The following CSGALNACT1 variants were observed in gnomAD, a reference collection of about 807,000 sequenced individuals.
CSGALNACT1 encodes chondroitin sulfate N-acetylgalactosaminyltransferase 1.
Under a neutral mutation model 51.0 loss-of-function variants are expected in CSGALNACT1, and 52 were observed. The observed-to-expected ratio is 1.02, with a 90% CI of 0.82 to 1.29. CSGALNACT1 has a LOEUF of 1.29. CSGALNACT1 is among the 50% of genes most tolerant of loss of function. The pLI is 0.00. For synonymous variants in CSGALNACT1, 341 were observed against 254.4 expected, an observed-to-expected ratio of 1.34 and a Z score of -3.24; for missense variants, 935 against 679.2, an observed-to-expected ratio of 1.38 and a Z score of -4.19.
chr8:19,543,705 T>C (rs1487176717), intron 3 of CSGALNACT1, among the ~76,000 whole-genome samples: 2 of 152,178 alleles, frequency 1.3e-5, no homozygotes, highest in African/African-American at 2.4e-5. Flanking sequence ...AAGCTATACA[T>C]GGATTCCTCC....
At chr8:19,752,929 G>A (rs530084449) in intron 1 of CSGALNACT1, among the ~76,000 whole-genome samples, 34 of 152,298 alleles carry the variant, frequency 2.2e-4, no homozygotes, top group African/African-American at 7.5e-4. Context: ...CCCAAGTGCT[G>A]GTTCCTAAAA....
intron 3 of CSGALNACT1, among the ~76,000 whole-genome samples, chr8:19,567,647 A>G (rs1564082557): frequency 6.6e-6 from 1 of 152,376 alleles, no homozygotes; most frequent in East Asian, 1.9e-4. Context: ...GGCAAGGAAA[A>G]TAAATGTGAA....
chr8:19,530,824 T>C lies in CSGALNACT1; in HGVS notation c.-296-24694A>G, dbSNP rs139000160. The stretch of plus-strand genomic sequence containing the variant: ...GACTTTCTAATGAGAAAGGGACTGG[T>C]GAGGAAAAAAGAGTCACACGAAATG... On this transcript the variant is annotated intron_variant, in intron 3 of 9. Transcript: ENST00000454498. Among the ~76,000 whole-genome samples the C allele has an allele frequency of 6.6e-5, 10 of 152,272 alleles. No individual in the cohort carries two copies. In the East Asian group the frequency reaches 1.9e-3, roughly 29 times the overall value.
chr8:19,419,329 G>A (rs773195078), intron 7 of CSGALNACT1, among the ~76,000 whole-genome samples: 1 of 152,212 alleles, frequency 6.6e-6, no homozygotes, highest in African/African-American at 2.4e-5. Context: ...GTGTGAAAGA[G>A]AGTCCTGGTG....
chr8:19,514,323 C>G (rs1217835818), intron 3 of CSGALNACT1, among the ~76,000 whole-genome samples: 1 of 151,740 alleles, frequency 6.6e-6, no homozygotes, highest in African/African-American at 2.4e-5. Flanking sequence ...GGGTTTCACA[C>G]AGACAGCAAT....
chr8:19,547,945 G>C (rs1459001663), intron 3 of CSGALNACT1, among the ~76,000 whole-genome samples: 1 of 152,158 alleles, frequency 6.6e-6, no homozygotes, highest in Non-Finnish European at 1.5e-5. Context: ...AAAGAGGAGA[G>C]AGCAGCTGCC....
intron 1 of CSGALNACT1, among the ~76,000 whole-genome samples, chr8:19,689,642 G>A (rs2061177794): frequency 6.6e-6 from 1 of 152,192 alleles, no homozygotes. Flanking sequence ...ATTTATAGGA[G>A]GCCATTGATT....
chr8:19,705,997 AC>A (rs1480272268), intron 1 of CSGALNACT1, among the ~76,000 whole-genome samples: 1 of 152,184 alleles, frequency 6.6e-6, no homozygotes, highest in Non-Finnish European at 1.5e-5. Context: ...CAACATGAAG[AC>A]AAAGGCAAAA....
rs111734132 is a variant in CSGALNACT1 at position 19,577,401 on chromosome 8, C to CAAAAAAAAAAAAAAAAAAAAAAAAA, written c.-297+13758_-297+13759insTTTTTTTTTTTTTTTTTTTTTTTTT. On this transcript the variant is annotated intron_variant, in intron 3 of 9. Transcript: ENST00000454498. ...ACAACGAAGCCCGACCCCACCTCTA[C>CAAAAAAAAAAAAAAAAAAAAAAAAA]AAAAAAAAAAAAAGCCTAGTATGGT... Among the ~76,000 whole-genome samples the CAAAAAAAAAAAAAAAAAAAAAAAAA allele has an allele frequency of 3.6e-4, 37 of 104,204 alleles. 1 individual carries two copies. Among genetic ancestry groups the CAAAAAAAAAAAAAAAAAAAAAAAAA allele is most frequent in the Middle Eastern group, 4.5e-3 (1 of 224 alleles). 68.4% of individuals were successfully genotyped at this position (104,204 alleles called of 152,430 possible). A position where few individuals can be genotyped will look rare whatever the true frequency, so the allele number is the denominator to read the frequency against.
At chr8:19,722,086 A>G (rs566184629) in intron 1 of CSGALNACT1, among the ~76,000 whole-genome samples, 1 of 152,244 alleles carries the variant, frequency 6.6e-6, no homozygotes, top group Non-Finnish European at 1.5e-5. Flanking sequence ...AATTCAATAG[A>G]AACCTTTTGC....
intron 3 of CSGALNACT1, among the ~76,000 whole-genome samples, chr8:19,511,956 G>C (rs1183493174): frequency 1.3e-5 from 2 of 152,154 alleles, no homozygotes; most frequent in Non-Finnish European, 2.9e-5. Flanking sequence ...ACTATGATGA[G>C]AACAGCAAGT....
chr8:19,538,720 G>T (rs943503692), intron 3 of CSGALNACT1, among the ~76,000 whole-genome samples: 5 of 152,070 alleles, frequency 3.3e-5, no homozygotes, highest in Non-Finnish European at 5.9e-5. Flanking sequence ...GGAGATGGCT[G>T]GAAGATCAAT....
At chr8:19,568,178 C>A (rs986354248) in intron 3 of CSGALNACT1, among the ~76,000 whole-genome samples, 1 of 152,142 alleles carries the variant, frequency 6.6e-6, no homozygotes, top group Admixed American at 6.5e-5. Flanking sequence ...TTTAATCATG[C>A]AAACATCATA....
intron 4 of CSGALNACT1, among the ~76,000 whole-genome samples, chr8:19,466,405 A>G (rs531996161): frequency 6.6e-6 from 1 of 152,374 alleles, no homozygotes; most frequent in Admixed American, 6.5e-5. Context: ...ACATCCCCGC[A>G]ATAGCACAAA....
At chr8:19,535,830 C>T (rs773981096) in intron 3 of CSGALNACT1, among the ~76,000 whole-genome samples, 4 of 152,110 alleles carry the variant, frequency 2.6e-5, no homozygotes, top group Non-Finnish European at 5.9e-5. Flanking sequence ...GGAATTTCCT[C>T]CACTGGATAA....
Position 19,513,436 on chromosome 8 carries a change from C to CTCTCTCTCTCTCTATATA in CSGALNACT1, c.-296-7307_-296-7306insTATATAGAGAGAGAGAGA. ...TCTCACTCTCTCTCTCTCTCTCTCT[C>CTCTCTCTCTCTCTATATA]TATATATATATATATATATATATAT... On this transcript the variant is annotated intron_variant, in intron 3 of 9. Coordinates refer to ENST00000454498, the Ensembl canonical transcript of CSGALNACT1. Among the ~76,000 whole-genome samples, 45 of 81,956 alleles carry CTCTCTCTCTCTCTATATA rather than the reference C, an allele frequency of 5.5e-4. 1 individual carries two copies. The East Asian group carries it at 6.3e-3, about 12-fold the overall frequency. 53.8% of individuals were successfully genotyped at this position (81,956 alleles called of 152,430 possible).
At chr8:19,615,056 T>A (rs1317010523) in intron 1 of CSGALNACT1, among the ~76,000 whole-genome samples, 2 of 152,176 alleles carry the variant, frequency 1.3e-5, no homozygotes, top group African/African-American at 4.8e-5. Context: ...TGTAAAAATA[T>A]CAACACACTT....
At chr8:19,676,971 A>G (rs2154201242) in intron 1 of CSGALNACT1, among the ~76,000 whole-genome samples, 1 of 152,352 alleles carries the variant, frequency 6.6e-6, no homozygotes, top group East Asian at 1.9e-4. Flanking sequence ...CATTGACAAG[A>G]CCAGTCTCGT....
At chr8:19,468,712 G>T (rs971756711) in intron 4 of CSGALNACT1, among the ~76,000 whole-genome samples, 27 of 152,144 alleles carry the variant, frequency 1.8e-4, no homozygotes, top group Middle Eastern at 3.2e-3. Context: ...GCTGACTCGA[G>T]TTACAGGTGA....
Sources: gnomAD v4.1 joint callset for allele counts (sites outside exome capture counted in the v4.1 genomes callset) on GRCh38, gnomAD v4.1.1 for gene constraint, MANE v1.5 for transcripts, NCBI Gene and HGNC (gene_info 2026-07-23, HGNC 2026-07-21) for gene names.